ANKRD30A: variants seen among roughly 807,000 people sequenced by gnomAD.
ANKRD30A encodes the protein ankyrin repeat domain 30A.
Under a neutral mutation model 166.3 loss-of-function variants are expected in ANKRD30A, and 170 were observed. That is an observed-to-expected ratio of 1.02 (90% CI 0.90 to 1.16). The LOEUF is 1.16. Among genes scored for constraint, ANKRD30A ranks in the 50% most tolerant of loss-of-function variants. The pLI is 0.00. For missense variants in ANKRD30A, 1,630 were observed against 1,518.0 expected (o/e 1.07, Z -1.23); for synonymous variants, 564 against 508.9 (o/e 1.11, Z -1.46).
rs775718360 is a variant in ANKRD30A at position 37,125,775 on chromosome 10, G to A, written c.-13G>A. On this transcript the variant is annotated 5_prime_UTR_variant, in exon 1 of 36. Coordinates refer to ENST00000361713, the MANE Select transcript of ANKRD30A (RefSeq NM_052997.3). Reference sequence around the variant, plus strand: ...CGGGAGGCGCGGGCACTCTCTAGCAGGTGGCCGCAGCCATGGAGGAGATCT... The same window carrying A: ...CGGGAGGCGCGGGCACTCTCTAGCAAGTGGCCGCAGCCATGGAGGAGATCT... 130 of 632,476 alleles carry A rather than the reference G, an allele frequency of 2.1e-4. No homozygotes were observed. Among genetic ancestry groups the A allele is most frequent in the Non-Finnish European group, 3.1e-4 (109 of 354,792 alleles). 39.2% of individuals were successfully genotyped at this position (632,476 alleles called of 1,614,324 possible). A position where few individuals can be genotyped will look rare whatever the true frequency, so the allele number is the denominator to read the frequency against.
chr10:37,157,868 A>G (rs1453315208), intron 13 of ANKRD30A, among the ~76,000 whole-genome samples: 2 of 152,250 alleles, frequency 1.3e-5, no homozygotes, highest in Non-Finnish European at 2.9e-5. Flanking sequence ...TGCAATGATA[A>G]GTACATTGTA....
At chr10:37,246,308 A>G in the ANKRD30A span, among the ~76,000 whole-genome samples, 5 of 152,206 alleles carry the variant, frequency 3.3e-5, no homozygotes, top group Non-Finnish European at 5.9e-5. Flanking sequence ...ATTGCATTAC[A>G]TTATTTACTC....
chr10:37,231,453 C>G lies in ANKRD30A; in HGVS notation c.4186-8C>G. The G allele has an allele frequency of 2.5e-6, 4 of 1,586,076 alleles. No individual in the cohort carries two copies. The highest frequency in any genetic ancestry group is 3.4e-6 in the Non-Finnish European group (4 of 1,164,910). On this transcript the variant is annotated splice_region_variant and splice_polypyrimidine_tract_variant and intron_variant, in intron 34 of 35. Coordinates refer to ENST00000361713, the MANE Select transcript of ANKRD30A (RefSeq NM_052997.3). ...ATACTAAGCATTTTCCTTTTGCAAT[C>G]TTCACAGAACTCATGAGAGACAAGC...
At chr10:37,258,213 G>A in the ANKRD30A span, among the ~76,000 whole-genome samples, 1 of 152,140 alleles carries the variant, frequency 6.6e-6, no homozygotes, top group African/African-American at 2.4e-5. Flanking sequence ...TTGTAAATAA[G>A]TCATTTCTAT....
the ANKRD30A span, among the ~76,000 whole-genome samples, chr10:37,253,655 T>C: frequency 2.7e-5 from 4 of 150,274 alleles, no homozygotes; most frequent in Non-Finnish European, 5.9e-5. Context: ...TTTTCTTTTT[T>C]TTTTTTTTTT....
rs768977680 is a variant in ANKRD30A at position 37,142,201 on chromosome 10, C to T, written c.1304C>T (p.Thr435Ile). The T allele has an allele frequency of 6.8e-6, 11 of 1,612,414 alleles. No individual in the cohort carries two copies. The East Asian group carries it at 1.6e-4, about 23-fold the overall frequency. ...PVKTGCVARVTSNKTKVLEKG... is the reference protein window; with the variant it reads ...PVKTGCVARVISNKTKVLEKG... ...AAGACTGGATGCGTGGCAAGAGTAA[C>T]ATCTAATAAAACTAAAGTTTTGGAA... Residue 435 changes from threonine (T) to isoleucine (I), a missense_variant, in exon 7 of 36, where the codon ACA becomes ATA. By Grantham distance (89) the Thr-to-Ile change is moderately conservative. Coordinates refer to ENST00000361713, the MANE Select transcript of ANKRD30A (RefSeq NM_052997.3).
intron 11 of ANKRD30A, among the ~76,000 whole-genome samples, chr10:37,150,478 G>C (rs1837843501): frequency 6.6e-6 from 1 of 152,044 alleles, no homozygotes; most frequent in Non-Finnish European, 1.5e-5. Context: ...TTTGGGTTTA[G>C]AGTCTTTTTA....
chr10:37,226,434 G>T (rs1212790719), intron 34 of ANKRD30A, among the ~76,000 whole-genome samples: 1 of 151,662 alleles, frequency 6.6e-6, no homozygotes, highest in African/African-American at 2.4e-5. Flanking sequence ...TGGATAAAGA[G>T]TCAAGACCCA....
At chr10:37,149,404 T>A (rs985501500) in intron 9 of ANKRD30A, among the ~76,000 whole-genome samples, 1 of 152,074 alleles carries the variant, frequency 6.6e-6, no homozygotes, top group Admixed American at 6.5e-5. Context: ...TCAACCCTTT[T>A]TACACGTGAA....
chr10:37,183,435 A>G (rs1413595053), intron 24 of ANKRD30A, among the ~76,000 whole-genome samples: 3 of 146,882 alleles, frequency 2.0e-5, no homozygotes, highest in Non-Finnish European at 3.0e-5. Context: ...TTAAAGTGCC[A>G]AATAACAAAT....
chr10:37,201,051 G>A (rs538395753), intron 30 of ANKRD30A, among the ~76,000 whole-genome samples, 184 bp from the exon 31 acceptor site: 2 of 152,068 alleles, frequency 1.3e-5, no homozygotes, highest in South Asian at 2.1e-4. Flanking sequence ...AGATCAGCTT[G>A]ATGTAGAGAG....
At chr10:37,247,046 A>G in the ANKRD30A span, among the ~76,000 whole-genome samples, 1 of 152,182 alleles carries the variant, frequency 6.6e-6, no homozygotes, top group East Asian at 1.9e-4. Context: ...CAAAAGACAA[A>G]ATTACAACAA....
chr10:37,215,033 G>A (rs1313709074), intron 31 of ANKRD30A, among the ~76,000 whole-genome samples: 3 of 151,330 alleles, frequency 2.0e-5, no homozygotes, highest in South Asian at 2.1e-4. Flanking sequence ...TTTCATCTCC[G>A]GCATTGTAAC....
At chr10:37,200,733 G>T (rs928460344) in intron 30 of ANKRD30A, among the ~76,000 whole-genome samples, 1 of 151,968 alleles carries the variant, frequency 6.6e-6, no homozygotes, top group African/African-American at 2.4e-5. Flanking sequence ...AAATAAAGCA[G>T]CTTTTTCAAC....
At chr10:37,229,448 C>A (rs1843315981) in intron 34 of ANKRD30A, among the ~76,000 whole-genome samples, 1 of 151,894 alleles carries the variant, frequency 6.6e-6, no homozygotes, top group Non-Finnish European at 1.5e-5. Context: ...ATGCTCAAAT[C>A]AAGATAACTA....
chr10:37,259,077 A>G, the ANKRD30A span, among the ~76,000 whole-genome samples: 35 of 152,150 alleles, frequency 2.3e-4, no homozygotes, highest in African/African-American at 8.2e-4. Flanking sequence ...CTATAAAGAA[A>G]AAGTCTGCTA....
intron 34 of ANKRD30A, among the ~76,000 whole-genome samples, chr10:37,223,933 G>A (rs1311856180): frequency 1.3e-5 from 2 of 150,736 alleles, no homozygotes; most frequent in Admixed American, 6.6e-5. Flanking sequence ...AAATAACTGG[G>A]TAATATTTCA....
At chr10:37,194,915 A>G (rs1192262425) in intron 27 of ANKRD30A, among the ~76,000 whole-genome samples, 1 of 152,140 alleles carries the variant, frequency 6.6e-6, no homozygotes, top group Non-Finnish European at 1.5e-5. Flanking sequence ...ATTAAAATGA[A>G]AATATTTAAA....
chr10:37,219,667 C>G lies in ANKRD30A; in HGVS notation c.3955C>G (p.Leu1319Val), dbSNP rs1253052537. 1.7e-5 allele frequency: 27 copies of G among 1,609,460 alleles called. No individual in the cohort carries two copies. The highest frequency in any genetic ancestry group is 2.3e-5 in the Non-Finnish European group (27 of 1,177,302). ...VNKHTEQQES[L>V]DQKLFQLQSK... is the part of the protein sequence containing the mutation. ...CAAACACACTGAACAGCAGGAGTCT[C>G]TAGATCAGAAATTATTTCAACTACA... is the stretch of plus-strand genomic sequence containing the variant. Residue 1319 changes from leucine (L) to valine (V), a missense_variant, in exon 34 of 36, where the codon CTA becomes GTA. Physicochemically the swap from Leu to Val is conservative, Grantham distance 32. Coordinates refer to ENST00000361713, the MANE Select transcript of ANKRD30A (RefSeq NM_052997.3).
Sources: gnomAD v4.1 joint callset for allele counts (sites outside exome capture counted in the v4.1 genomes callset) on GRCh38, gnomAD v4.1.1 for gene constraint, MANE v1.5 for transcripts, NCBI Gene and HGNC (gene_info 2026-07-23, HGNC 2026-07-21) for gene names.